The following BACH2 variants were observed in gnomAD, a reference collection of about 807,000 sequenced individuals.
BACH2 encodes BACH transcriptional regulator 2.
Under a neutral mutation model 61.8 loss-of-function variants are expected in BACH2, and 5 were observed. The ratio of observed to expected loss-of-function variants is 0.08; its 90% CI spans 0.04 to 0.17. BACH2 has a LOEUF of 0.17. BACH2 is among the 10% of genes least tolerant of loss of function. BACH2 has a pLI of 1.00. For synonymous variants in BACH2, 446 were observed against 440.1 expected (o/e 1.01, Z -0.17); for missense variants, 824 against 1,091.1 (o/e 0.76, Z 3.45).
chr6:89,984,314 T>C (rs1352580346), intron 6 of BACH2, among the ~76,000 whole-genome samples: 2 of 152,040 alleles, frequency 1.3e-5, no homozygotes, highest in African/African-American at 2.4e-5. Flanking sequence ...AGGGAAGATA[T>C]GGTCACAGAG....
In BACH2 at chr6:89,931,215, G is replaced by A. The variant is rs975453017; in HGVS notation, c.*1193C>T. On this transcript the variant is annotated 3_prime_UTR_variant, in exon 9 of 9. Coordinates refer to ENST00000257749, the MANE Select transcript of BACH2 (RefSeq NM_021813.4). ...AATCACGGATTCCTGTTTTTCTGATGTACTTTTGAGTGAGATGTCCAAACT... is the reference window on the plus strand; with the variant it reads ...AATCACGGATTCCTGTTTTTCTGATATACTTTTGAGTGAGATGTCCAAACT... 1 of 152,294 alleles carries A rather than the reference G, an allele frequency of 6.6e-6. No homozygotes were observed. Among genetic ancestry groups the A allele is most frequent in the African/African-American group, 2.4e-5 (1 of 41,424 alleles). 9.4% of individuals were successfully genotyped at this position (152,294 alleles called of 1,614,324 possible). A position where few individuals can be genotyped will look rare whatever the true frequency, so the allele number is the denominator to read the frequency against.
At chr6:90,014,917 C>G (rs1368207985) in intron 5 of BACH2, among the ~76,000 whole-genome samples, 3 of 151,074 alleles carry the variant, frequency 2.0e-5, no homozygotes, top group Non-Finnish European at 4.4e-5. Flanking sequence ...GTAACTAGGA[C>G]TATAGGCCGT....
chr6:90,246,011 G>A (rs954024693), intron 3 of BACH2, among the ~76,000 whole-genome samples: 6 of 152,172 alleles, frequency 3.9e-5, no homozygotes, highest in Non-Finnish European at 8.8e-5. Context: ...GGGAGGAGGA[G>A]TGGGACGTGG....
chr6:90,261,258 G>A (rs1771147719), intron 2 of BACH2, among the ~76,000 whole-genome samples: 1 of 152,084 alleles, frequency 6.6e-6, no homozygotes, highest in African/African-American at 2.4e-5. Flanking sequence ...TAGCTTACGT[G>A]CCATCAGATC....
At chr6:90,256,664 C>T (rs542270900) in intron 2 of BACH2, among the ~76,000 whole-genome samples, 3 of 152,210 alleles carry the variant, frequency 2.0e-5, no homozygotes, top group East Asian at 1.9e-4. Context: ...TGGTATACAA[C>T]GTGATGTTAT....
chr6:89,983,631 T>A (rs1387953197), intron 6 of BACH2, among the ~76,000 whole-genome samples: 2 of 152,174 alleles, frequency 1.3e-5, no homozygotes, highest in African/African-American at 4.8e-5. Context: ...ATCACGCCAT[T>A]GCACTCCAGC....
chr6:89,971,504 T>G lies in BACH2; in HGVS notation c.244-19642A>C, dbSNP rs1027550680. ...TCTAGGCTATTGGGACAGAGACAAG[T>G]CAACAGGTAATCACAACACAGCCAT... is the stretch of plus-strand genomic sequence containing the variant. On this transcript the variant is annotated intron_variant, in intron 6 of 8. Coordinates refer to ENST00000257749, the MANE Select transcript of BACH2 (RefSeq NM_021813.4). Among the ~76,000 whole-genome samples the G allele has an allele frequency of 2.8e-4, 42 of 152,188 alleles. 1 individual carries two copies. Among genetic ancestry groups the G allele is most frequent in the East Asian group, 1.5e-3 (8 of 5,188 alleles).
At chr6:89,993,008 C>T (rs1776662165) in intron 6 of BACH2, among the ~76,000 whole-genome samples, 1 of 151,924 alleles carries the variant, frequency 6.6e-6, no homozygotes, top group African/African-American at 2.4e-5. Context: ...AGGAGAGACA[C>T]CAGAGCACTG....
chr6:89,932,492 C>G lies in BACH2; in HGVS notation c.2442G>C (p.Arg814Ser). The G allele has an allele frequency of 1.2e-6, 2 of 1,614,016 alleles. No homozygotes were observed. Among genetic ancestry groups the G allele is most frequent in the Non-Finnish European group, 1.7e-6 (2 of 1,180,012 alleles). Residue 814 changes from arginine to serine, a missense_variant, in exon 9 of 9, where the codon AGG (arginine) becomes AGC (serine). Physicochemically the swap from Arg to Ser is moderately radical, Grantham distance 110 (BLOSUM62 -1). Transcript: ENST00000257749. Reference protein sequence around the residue: ...FSERGPPLEPRSQTVTVDFCQ... With the variant: ...FSERGPPLEPSSQTVTVDFCQ... ...AGAAGTCCACGGTCACTGTTTGGCT[C>G]CTGGGTTCAAGAGGAGGTCCTCTCT...
Position 90,190,712 on chromosome 6 carries a change from T to C in BACH2, c.-162+15857A>G, listed in dbSNP as rs572576122. Among the ~76,000 whole-genome samples the C allele has an allele frequency of 2.3e-3, 358 of 152,346 alleles. 2 individuals are homozygous for C. Among genetic ancestry groups the C allele is most frequent in the Non-Finnish European group, 3.7e-3 (251 of 68,020 alleles). On this transcript the variant is annotated intron_variant, in intron 4 of 8. Coordinates refer to ENST00000257749, the MANE Select transcript of BACH2 (RefSeq NM_021813.4). ...GCCCCTTGGCGAATCTGATGGGAGC[T>C]ATGAACCATTCTCCCTCCAGAAAAA...
At chr6:90,012,562 G>C (rs1777781238) in intron 5 of BACH2, among the ~76,000 whole-genome samples, 1 of 151,478 alleles carries the variant, frequency 6.6e-6, no homozygotes, top group Admixed American at 6.6e-5. Context: ...CCAGCAGGAA[G>C]AGGTTGCAGT....
chr6:90,001,920 C>T, intron 6 of BACH2, among the ~76,000 whole-genome samples: 1 of 152,218 alleles, frequency 6.6e-6, no homozygotes, highest in East Asian at 1.9e-4. Flanking sequence ...GACACCGTTT[C>T]CCTCCAGCTA....
intron 5 of BACH2, among the ~76,000 whole-genome samples, chr6:90,027,566 G>T (rs1474471102): frequency 6.6e-6 from 1 of 152,160 alleles, no homozygotes; most frequent in Admixed American, 6.5e-5. Context: ...AGGAATGGGT[G>T]CCACAAGGGC....
At chr6:89,991,341 T>C (rs1185095023) in intron 6 of BACH2, among the ~76,000 whole-genome samples, 2 of 152,336 alleles carry the variant, frequency 1.3e-5, no homozygotes, top group African/African-American at 4.8e-5. Flanking sequence ...CTACTTTTAG[T>C]CTGGATTCAG....
intron 4 of BACH2, among the ~76,000 whole-genome samples, chr6:90,147,369 T>C (rs1187400903): frequency 2.0e-5 from 3 of 152,160 alleles, no homozygotes; most frequent in Non-Finnish European, 4.4e-5. Flanking sequence ...AATTAAATTA[T>C]CTCACGTTTT....
At chr6:90,164,393 A>G (rs1327341490) in intron 4 of BACH2, among the ~76,000 whole-genome samples, 1 of 152,176 alleles carries the variant, frequency 6.6e-6, no homozygotes, top group African/African-American at 2.4e-5. Flanking sequence ...TAGACCAATA[A>G]CAGGTTCTGA....
chr6:90,092,667 G>C (rs2127808725), intron 4 of BACH2, among the ~76,000 whole-genome samples: 1 of 152,152 alleles, frequency 6.6e-6, no homozygotes, highest in Non-Finnish European at 1.5e-5. Context: ...GAGGCATAAA[G>C]ATATTAATCG....
chr6:90,103,554 C>T (rs370458481), intron 4 of BACH2, among the ~76,000 whole-genome samples: 6 of 152,120 alleles, frequency 3.9e-5, no homozygotes, highest in Non-Finnish European at 5.9e-5. Context: ...ATCTGGAGAC[C>T]GCGGTGGTGC....
chr6:89,992,855 T>A (rs930893455), intron 6 of BACH2, among the ~76,000 whole-genome samples: 1 of 152,220 alleles, frequency 6.6e-6, no homozygotes, highest in Non-Finnish European at 1.5e-5. Flanking sequence ...TAGGTTGTTA[T>A]AAAGTTTACT....
Sources: allele counts gnomAD v4.1 joint callset (sites outside exome capture counted in the v4.1 genomes callset), GRCh38; gene constraint gnomAD v4.1.1; transcripts MANE v1.5; gene names NCBI Gene and HGNC (gene_info 2026-07-23, HGNC 2026-07-21).